The following TNKS variants were observed in gnomAD, a reference collection of about 807,000 sequenced individuals.
TNKS encodes the protein poly [ADP-ribose] polymerase tankyrase-1.
Under a neutral mutation model 135.8 loss-of-function variants are expected in TNKS, and 72 were observed. That is an observed-to-expected ratio of 0.53 (90% CI 0.44 to 0.64). The LOEUF is 0.64. TNKS is among the 30% of genes least tolerant of loss of function. TNKS has a pLI of 0.00. For missense variants in TNKS, 1,769 were observed against 1,674.0 expected, an observed-to-expected ratio of 1.06 and a Z score of -0.99; for synonymous variants, 849 against 649.3, an observed-to-expected ratio of 1.31 and a Z score of -4.68.
At chr8:9,639,025 G>A (rs1800626132) in intron 3 of TNKS, among the ~76,000 whole-genome samples, 1 of 152,102 alleles carries the variant, frequency 6.6e-6, no homozygotes, top group African/African-American at 2.4e-5. Context: ...ACAAATTATT[G>A]TCTAACCTAC....
intron 17 of TNKS, 135 bp from the exon 18 acceptor site, chr8:9,747,889 T>A: frequency 4.6e-6 from 4 of 868,260 alleles, no homozygotes; most frequent in Non-Finnish European, 5.1e-6. Flanking sequence ...TACTCTTTTT[T>A]TTAGAAGAAA....
intron 3 of TNKS, among the ~76,000 whole-genome samples, chr8:9,620,424 C>T (rs1799822810): frequency 1.3e-5 from 2 of 152,184 alleles, no homozygotes; most frequent in Non-Finnish European, 2.9e-5. Flanking sequence ...TCTGCCACTA[C>T]TTAAACTTCG....
At chr8:9,572,698 C>T (rs1036685759) in intron 1 of TNKS, among the ~76,000 whole-genome samples, 3 of 152,094 alleles carry the variant, frequency 2.0e-5, no homozygotes, top group African/African-American at 7.2e-5. Flanking sequence ...GCTATATACC[C>T]CTCTATAATT....
intron 7 of TNKS, 88 bp downstream of exon 7, chr8:9,706,341 A>C: frequency 1.9e-6 from 2 of 1,067,186 alleles, no homozygotes; most frequent in Non-Finnish European, 2.7e-6. Flanking sequence ...GGCCTCATGA[A>C]AGTTTGTTTA....
chr8:9,563,537 G>C (rs1207548531), intron 1 of TNKS, among the ~76,000 whole-genome samples: 1 of 152,146 alleles, frequency 6.6e-6, no homozygotes, highest in Non-Finnish European at 1.5e-5. Flanking sequence ...CAGATTTGGT[G>C]TATGGGTTGT....
chr8:9,579,350 G>C (rs1482860524), intron 1 of TNKS, among the ~76,000 whole-genome samples: 1 of 152,070 alleles, frequency 6.6e-6, no homozygotes, highest in African/African-American at 2.4e-5. Context: ...AATTCCCTTT[G>C]ACCAAGCGTT....
chr8:9,773,316 T>C (rs1326939118), intron 26 of TNKS, among the ~76,000 whole-genome samples: 1 of 152,140 alleles, frequency 6.6e-6, no homozygotes, highest in Non-Finnish European at 1.5e-5. Context: ...TGTCTGATAT[T>C]TTTTAACATT....
In TNKS at chr8:9,685,687, G is replaced by T. The variant is rs537758813; in HGVS notation, c.1107+4887G>T. Reference sequence around the variant, plus strand: ...CTTGGCCTTCCCCTCTCTTCACCCAGTGTCACATTTAATAAATAAATTTGT... The same window carrying T: ...CTTGGCCTTCCCCTCTCTTCACCCATTGTCACATTTAATAAATAAATTTGT... On this transcript the variant is annotated intron_variant, in intron 5 of 26. Coordinates refer to ENST00000310430, the MANE Select transcript of TNKS (RefSeq NM_003747.3). Among the ~76,000 whole-genome samples, 9 of 152,204 alleles carry T rather than the reference G, an allele frequency of 5.9e-5. No individual in the cohort carries two copies. In the East Asian group the frequency reaches 1.5e-3, roughly 26 times the overall value.
At chr8:9,565,159 T>A (rs1797477243) in intron 1 of TNKS, among the ~76,000 whole-genome samples, 1 of 152,228 alleles carries the variant, frequency 6.6e-6, no homozygotes, top group South Asian at 2.1e-4. Flanking sequence ...TCTCGAATCT[T>A]GTTTTGCCAG....
chr8:9,754,454 C>G (rs1417319006), intron 20 of TNKS, among the ~76,000 whole-genome samples: 2 of 152,032 alleles, frequency 1.3e-5, no homozygotes, highest in Non-Finnish European at 2.9e-5. Flanking sequence ...ACTTAAAAAC[C>G]AGGTCTTTTT....
chr8:9,770,727 A>G (rs963259240), intron 26 of TNKS, among the ~76,000 whole-genome samples: 1 of 152,234 alleles, frequency 6.6e-6, no homozygotes, highest in Non-Finnish European at 1.5e-5. Context: ...ATAACTAAAT[A>G]TATATAACCT....
At chr8:9,608,977 A>C (rs1359522213) in intron 2 of TNKS, among the ~76,000 whole-genome samples, 2 of 152,202 alleles carry the variant, frequency 1.3e-5, no homozygotes, top group South Asian at 4.1e-4. Flanking sequence ...CAGTTACTCC[A>C]TTATGGCTGG....
chr8:9,682,539 G>T (rs1342982855), intron 5 of TNKS, among the ~76,000 whole-genome samples: 4 of 151,914 alleles, frequency 2.6e-5, no homozygotes, highest in Non-Finnish European at 4.4e-5. Flanking sequence ...AAATTCTTGT[G>T]GCTCCTTTTC....
intron 4 of TNKS, 63 bp downstream of exon 4, chr8:9,680,050 G>T: frequency 3.3e-6 from 4 of 1,224,298 alleles, no homozygotes; most frequent in South Asian, 1.2e-5. Flanking sequence ...AGGAGGGCAG[G>T]TGGAGGACTA....
intron 9 of TNKS, among the ~76,000 whole-genome samples, 182 bp from the exon 10 acceptor site, chr8:9,709,773 C>A (rs1168463284): frequency 6.6e-6 from 1 of 152,160 alleles, no homozygotes; most frequent in Non-Finnish European, 1.5e-5. Context: ...TAAACGCTTA[C>A]GTTTTGTATT....
chr8:9,705,740 A>T (rs1413758239), intron 6 of TNKS, among the ~76,000 whole-genome samples: 1 of 152,198 alleles, frequency 6.6e-6, no homozygotes, highest in Admixed American at 6.5e-5. Context: ...GATGTACACC[A>T]CAAAAAAAGG....
intron 3 of TNKS, among the ~76,000 whole-genome samples, chr8:9,664,051 C>T (rs1272987187): frequency 1.3e-5 from 2 of 152,190 alleles, no homozygotes; most frequent in Non-Finnish European, 2.9e-5. Context: ...TATCCAGGAG[C>T]CCCCAGCCAT....
intron 20 of TNKS, among the ~76,000 whole-genome samples, chr8:9,753,204 G>A (rs534677832): frequency 3.3e-5 from 5 of 152,230 alleles, no homozygotes; most frequent in African/African-American, 1.2e-4. Context: ...TCAAAAGAAT[G>A]TTTTCATGAT....
chr8:9,576,004 C>T (rs1797930708), intron 1 of TNKS, among the ~76,000 whole-genome samples: 1 of 152,130 alleles, frequency 6.6e-6, no homozygotes, highest in South Asian at 2.1e-4. Context: ...GGAGAAAGGG[C>T]ACTCTTCCTC....
Sources: gnomAD v4.1 joint callset for allele counts (sites outside exome capture counted in the v4.1 genomes callset) on GRCh38, gnomAD v4.1.1 for gene constraint, MANE v1.5 for transcripts, NCBI Gene and HGNC (gene_info 2026-07-23, HGNC 2026-07-21) for gene names.